The following MADD variants were observed in gnomAD, a reference collection of about 807,000 sequenced individuals.
MADD encodes the protein MAP kinase activating death domain.
MADD carries 109 observed loss-of-function variants against 176.7 expected under a neutral mutation model. That is an observed-to-expected ratio of 0.62 (90% CI 0.53 to 0.72). The LOEUF is 0.72. Ranked by LOEUF, MADD falls within the 30% of genes least tolerant of loss-of-function variation. The pLI is 0.00. For synonymous variants in MADD, 771 were observed against 771.3 expected, an observed-to-expected ratio of 1.00 and a Z score of 0.01; for missense variants, 1,914 against 2,045.5, an observed-to-expected ratio of 0.94 and a Z score of 1.24.
intron 27 of MADD, among the ~76,000 whole-genome samples, chr11:47,321,818 C>T (rs2094521112): frequency 6.6e-6 from 1 of 152,050 alleles, no homozygotes; most frequent in Non-Finnish European, 1.5e-5. Context: ...CAGGCTGGGG[C>T]AGCTGGGTGG....
chr11:47,312,244 T>A (rs930117543), intron 26 of MADD, among the ~76,000 whole-genome samples: 1 of 152,042 alleles, frequency 6.6e-6, no homozygotes, highest in African/African-American at 2.4e-5. Flanking sequence ...GTTTTTCGTT[T>A]TTGTTTTGTT....
chr11:47,297,323 A>G (rs1356634045), intron 22 of MADD, among the ~76,000 whole-genome samples: 1 of 152,198 alleles, frequency 6.6e-6, no homozygotes, highest in African/African-American at 2.4e-5. Flanking sequence ...GAGATTGGGA[A>G]TAGGACTGAG....
chr11:47,285,577 C>A, exon 14 of MADD: 1 of 1,614,130 alleles, frequency 6.2e-7, no homozygotes, highest in East Asian at 2.2e-5. Flanking sequence ...TCGGGGGCAT[C>A]ATGTCTTTTG....
rs930383668 is a variant in MADD at position 47,309,145 on chromosome 11, G to A, written c.3752-136G>A. ...CTGGTGGCAGGCATGTTAGATCTGG[G>A]GTAGAAAGATTGTGTTTCCTTTGCC... On this transcript the variant is annotated intron_variant, in intron 23 of 32. Coordinates refer to ENST00000402192, the Ensembl canonical transcript of MADD. The A allele has an allele frequency of 1.7e-5, 27 of 1,545,754 alleles. No homozygotes were observed. In the African/African-American group the frequency reaches 3.3e-4, roughly 19 times the overall value.
chr11:47,280,757 G>A (rs1456295573), intron 7 of MADD, among the ~76,000 whole-genome samples: 1 of 152,106 alleles, frequency 6.6e-6, no homozygotes, highest in Admixed American at 6.5e-5. Flanking sequence ...AGTAGAGCTG[G>A]GGTTTCATCA....
intron 7 of MADD, among the ~76,000 whole-genome samples, chr11:47,279,500 T>C (rs1168025557): frequency 6.7e-6 from 1 of 149,668 alleles, no homozygotes; most frequent in Non-Finnish European, 1.5e-5. Context: ...TTCTTCTGCC[T>C]CTCCAGGAGC....
At chr11:47,276,315 C>A (rs1243230189) in intron 4 of MADD, 113 bp downstream of exon 4, 2 of 1,028,454 alleles carry the variant, frequency 1.9e-6, no homozygotes, top group East Asian at 2.5e-5. Flanking sequence ...TTTTTGTCTT[C>A]AGGAGGTAAC....
intron 11 of MADD, 43 bp from the exon 12 acceptor site, chr11:47,284,332 A>G: frequency 6.2e-7 from 1 of 1,613,984 alleles, no homozygotes; most frequent in Non-Finnish European, 8.5e-7. Context: ...TTGGGGGCCC[A>G]AGGATGGAGT....
chr11:47,276,918 G>T, intron 5 of MADD, 55 bp downstream of exon 5: 9 of 1,596,754 alleles, frequency 5.6e-6, no homozygotes, highest in Non-Finnish European at 7.7e-6. Context: ...GAGGGAGGAG[G>T]CTTAATGCTC....
chr11:47,289,549 C>G, intron 16 of MADD, 56 bp downstream of exon 17: 1 of 1,446,484 alleles, frequency 6.9e-7, no homozygotes, highest in Non-Finnish European at 9.7e-7. Flanking sequence ...GGTGGTTCCT[C>G]TACAGAACTT....
In MADD at chr11:47,273,820, CT is replaced by C. The variant is rs1446610695; in HGVS notation, c.-88-6del. The C allele has an allele frequency of 4.7e-6, 5 of 1,062,668 alleles. No individual in the cohort carries two copies. The East Asian group carries it at 1.2e-4, about 26-fold the overall frequency. 65.8% of individuals were successfully genotyped at this position (1,062,668 alleles called of 1,614,324 possible). On this transcript the variant is annotated splice_polypyrimidine_tract_variant and splice_region_variant and intron_variant, in intron 1 of 32. Coordinates refer to ENST00000402192, the Ensembl canonical transcript of MADD. ...GTGGATCTTATCAGTACTTTTTTTC[CT>C]ATTAGACTTCGATTTTCAGAATTCC...
chr11:47,283,657 C>T (rs746603507), intron 10 of MADD, among the ~76,000 whole-genome samples: 5 of 152,314 alleles, frequency 3.3e-5, no homozygotes, highest in Non-Finnish European at 5.9e-5. Context: ...CTGCAACCTC[C>T]GCCTCTCGGG....
At chr11:47,324,430 C>G in intron 29 of MADD, 41 bp from the exon 33 acceptor site, 2 of 1,598,374 alleles carry the variant, frequency 1.3e-6, no homozygotes, top group Non-Finnish European at 1.7e-6. Flanking sequence ...GTGGGATTCC[C>G]CACCTCACCA....
rs760073340 is a variant in MADD at position 47,295,595 on chromosome 11, A to G, written c.3483+19A>G. 6.2e-7 allele frequency: 1 copy of G among 1,613,820 alleles called. No individual in the cohort carries two copies. The highest frequency in any genetic ancestry group is 1.1e-5 in the South Asian group (1 of 91,054). On this transcript the variant is annotated intron_variant, in intron 21 of 32. Coordinates refer to ENST00000402192, the Ensembl canonical transcript of MADD. ...TAGCACCGTGGTAGGGGAACACCAC[A>G]CTGGCATCTTGGTGGGTGGGGTGTG...
At position 47,327,920 on chromosome 11, in the gene MADD, G is replaced by A. The variant is rs1217072936; in HGVS notation, c.4613-738G>A. ...CAAGCAGAACCCCTGCATGGCTGGA[G>A]CGGGGGGACTCTCACTCTTGCCTTC... On this transcript the variant is annotated intron_variant, in intron 31 of 32. Coordinates refer to ENST00000402192, the Ensembl canonical transcript of MADD. 3.0e-6 allele frequency: 3 copies of A among 985,226 alleles called. No homozygotes were observed. The African/African-American group carries it at 5.2e-5, about 17-fold the overall frequency. 61.0% of individuals were successfully genotyped at this position (985,226 alleles called of 1,614,324 possible).
chr11:47,309,838 CT>C (rs60488949), intron 25 of MADD, among the ~76,000 whole-genome samples: 421 of 143,622 alleles, frequency 2.9e-3, no homozygotes, highest in African/African-American at 8.0e-3. Flanking sequence ...TGATGATTCT[CT>C]TTTTTTTTTT....
intron 6 of MADD, among the ~76,000 whole-genome samples, chr11:47,278,789 A>G (rs890974523): frequency 6.6e-6 from 1 of 152,248 alleles, no homozygotes; most frequent in Non-Finnish European, 1.5e-5. Flanking sequence ...TTTTATCTAG[A>G]GATAATAACC....
intron 22 of MADD, among the ~76,000 whole-genome samples, chr11:47,305,370 T>C (rs2081787604): frequency 6.6e-6 from 1 of 152,134 alleles, no homozygotes; most frequent in East Asian, 1.9e-4. Flanking sequence ...AGCCAGGATC[T>C]GAGGCACCCG....
At chr11:47,288,126 G>T (rs918712096) in intron 15 of MADD, among the ~76,000 whole-genome samples, 2 of 152,108 alleles carry the variant, frequency 1.3e-5, no homozygotes, top group Non-Finnish European at 2.9e-5. Context: ...ATTCCTAGTG[G>T]TAAAAAATGT....
Sources: gnomAD v4.1 joint callset for allele counts (sites outside exome capture counted in the v4.1 genomes callset) on GRCh38, gnomAD v4.1.1 for gene constraint, MANE v1.5 for transcripts, NCBI Gene and HGNC (gene_info 2026-07-23, HGNC 2026-07-21) for gene names.